Variants in DLG2 observed in about 807,000 individuals in gnomAD.
DLG2 encodes discs large MAGUK scaffold protein 2.
DLG2 carries 45 observed loss-of-function variants against 132.5 expected under a neutral mutation model. The ratio of observed to expected loss-of-function variants is 0.34; its 90% CI spans 0.27 to 0.44. The LOEUF (loss-of-function observed/expected upper bound fraction) is 0.44. Ranked by LOEUF, DLG2 falls within the 20% of genes least tolerant of loss-of-function variation. The pLI is 1.00. For synonymous variants in DLG2, 424 were observed against 419.6 expected (o/e 1.01, Z -0.13); for missense variants, 1,045 against 1,196.9 (o/e 0.87, Z 1.87).
intron 3 of DLG2, among the ~76,000 whole-genome samples, chr11:85,334,634 C>G (rs1173851685): frequency 6.6e-6 from 1 of 151,902 alleles, no homozygotes; most frequent in Non-Finnish European, 1.5e-5. Context: ...ATCTTTTTTT[C>G]ATTGGTTCTA....
chr11:84,249,715 A>T (rs2097347082), intron 8 of DLG2, among the ~76,000 whole-genome samples: 1 of 152,174 alleles, frequency 6.6e-6, no homozygotes, highest in African/African-American at 2.4e-5. Flanking sequence ...TACCTTTAAG[A>T]CATTGCTTTG....
chr11:83,725,824 CA>C (rs2153692620), intron 18 of DLG2, among the ~76,000 whole-genome samples: 1 of 152,262 alleles, frequency 6.6e-6, no homozygotes, highest in East Asian at 1.9e-4. Context: ...AATGGTTGGT[CA>C]TTTGATTAAG....
At chr11:83,498,560 T>TA (rs2094274738) in intron 21 of DLG2, among the ~76,000 whole-genome samples, 2 of 151,476 alleles carry the variant, frequency 1.3e-5, no homozygotes, top group African/African-American at 4.8e-5. Flanking sequence ...ACACTGTACT[T>TA]AGAGAAAAAC....
intron 11 of DLG2, among the ~76,000 whole-genome samples, chr11:84,008,509 T>A (rs543531323): frequency 3.9e-5 from 6 of 152,002 alleles, no homozygotes; most frequent in Non-Finnish European, 8.8e-5. Context: ...AAATTTGGTT[T>A]AAGAACTGTT....
At chr11:84,878,505 A>G (rs1308043003) in intron 6 of DLG2, among the ~76,000 whole-genome samples, 1 of 152,098 alleles carries the variant, frequency 6.6e-6, no homozygotes, top group Non-Finnish European at 1.5e-5. Context: ...GAGTTGAACA[A>G]TGAGAACACA....
At chr11:85,113,877 T>A (rs1215418801) in intron 5 of DLG2, among the ~76,000 whole-genome samples, 1 of 152,002 alleles carries the variant, frequency 6.6e-6, no homozygotes, top group African/African-American at 2.4e-5. Flanking sequence ...GTTGAGATCA[T>A]TTATCATTCT....
In DLG2 at chr11:84,808,367, T is replaced by C. The variant is rs576966807; in HGVS notation, c.358-273636A>G. Among the ~76,000 whole-genome samples, 92 of 152,162 alleles carry C rather than the reference T, an allele frequency of 6.0e-4. 2 individuals carry two copies. Among genetic ancestry groups the C allele is most frequent in the African/African-American group, 2.1e-3 (87 of 41,560 alleles). ...AGTGAAATTGAAGGCATTAAATGTA[T>C]ATATTCGAAAAGATAAAAGTCTCAA... On this transcript the variant is annotated intron_variant, in intron 6 of 27. Transcript: ENST00000376104.
At chr11:85,257,794 A>G (rs1337841728) in intron 4 of DLG2, among the ~76,000 whole-genome samples, 1 of 152,226 alleles carries the variant, frequency 6.6e-6, no homozygotes, top group Admixed American at 6.5e-5. Flanking sequence ...TAAGAATGAA[A>G]CAACAAAAAA....
At chr11:85,343,768 G>A (rs1323406400) in intron 3 of DLG2, among the ~76,000 whole-genome samples, 1 of 152,158 alleles carries the variant, frequency 6.6e-6, no homozygotes. Context: ...ATAGAGCAGC[G>A]AGGAAAACCT....
chr11:84,441,990 T>C (rs1264707863), intron 7 of DLG2, among the ~76,000 whole-genome samples: 1 of 152,214 alleles, frequency 6.6e-6, no homozygotes, highest in Non-Finnish European at 1.5e-5. Flanking sequence ...TCTGTTTTGG[T>C]ACCAGTACCA....
intron 3 of DLG2, among the ~76,000 whole-genome samples, chr11:85,585,474 G>T (rs115578120): frequency 3.3e-5 from 5 of 152,106 alleles, no homozygotes; most frequent in Non-Finnish European, 5.9e-5. Context: ...GTGGAAATGG[G>T]CATCCTTGTC....
chr11:85,418,359 C>A (rs949650313), intron 3 of DLG2, among the ~76,000 whole-genome samples: 2 of 152,074 alleles, frequency 1.3e-5, no homozygotes, highest in Admixed American at 1.3e-4. Context: ...TGTTTTACTT[C>A]CAATTATGTG....
intron 2 of DLG2, among the ~76,000 whole-genome samples, chr11:85,623,611 A>G (rs1247691789): frequency 6.6e-6 from 1 of 152,126 alleles, no homozygotes; most frequent in African/African-American, 2.4e-5. Flanking sequence ...CAATAGGACA[A>G]TTTTTTAAAA....
chr11:83,662,365 G>T (rs2074494204), intron 18 of DLG2, among the ~76,000 whole-genome samples: 1 of 152,082 alleles, frequency 6.6e-6, no homozygotes, highest in Non-Finnish European at 1.5e-5. Flanking sequence ...CTCACTATTT[G>T]GCCCCAAAGA....
At chr11:84,689,506 G>C (rs572485149) in intron 6 of DLG2, among the ~76,000 whole-genome samples, 1 of 152,136 alleles carries the variant, frequency 6.6e-6, no homozygotes, top group East Asian at 1.9e-4. Context: ...TGGTGTGAAA[G>C]ATAAGAATGA....
intron 24 of DLG2, among the ~76,000 whole-genome samples, chr11:83,470,172 TA>T (rs1310404314): frequency 6.6e-6 from 1 of 151,994 alleles, no homozygotes. Flanking sequence ...ATTACGATGA[TA>T]TTTTTGTCAC....
intron 4 of DLG2, among the ~76,000 whole-genome samples, chr11:85,247,316 T>A (rs563355388): frequency 1.3e-5 from 2 of 152,090 alleles, no homozygotes; most frequent in South Asian, 4.1e-4. Context: ...TTTGCCTACC[T>A]CCCCCTGGGC....
chr11:84,352,946 C>G (rs2098588359), intron 7 of DLG2, among the ~76,000 whole-genome samples: 2 of 152,294 alleles, frequency 1.3e-5, no homozygotes, highest in East Asian at 1.9e-4. Flanking sequence ...GGATCCTACT[C>G]TCTTCCTTAC....
At position 83,969,575 on chromosome 11, in the gene DLG2, T is replaced by C. The variant is rs192484122; in HGVS notation, c.1057-4107A>G. On this transcript the variant is annotated intron_variant, in intron 12 of 27. Coordinates refer to ENST00000376104, the MANE Select transcript of DLG2 (RefSeq NM_001142699.3). Reference sequence around the variant, plus strand: ...TGCTTAGATAATGATTTATTTTTTATTCTTTTTATTTTTTTGAGATGGAGT... The same window carrying C: ...TGCTTAGATAATGATTTATTTTTTACTCTTTTTATTTTTTTGAGATGGAGT... Among the ~76,000 whole-genome samples the C allele has an allele frequency of 6.0e-4, 92 of 152,320 alleles. 1 individual carries two copies. The highest frequency in any genetic ancestry group is 2.7e-3 in the South Asian group (13 of 4,826).
Sources: allele counts gnomAD v4.1 joint callset (sites outside exome capture counted in the v4.1 genomes callset), GRCh38; gene constraint gnomAD v4.1.1; transcripts MANE v1.5; gene names NCBI Gene and HGNC (gene_info 2026-07-23, HGNC 2026-07-21).